Variants in KLF17 observed in about 807,000 individuals in gnomAD.
KLF17 encodes the protein KLF transcription factor 17.
A neutral mutation model predicts 34.2 loss-of-function variants in KLF17; 31 were observed. The observed-to-expected ratio is 0.91, with a 90% CI of 0.68 to 1.22. KLF17 has a LOEUF of 1.22. KLF17 is among the 50% of genes most tolerant of loss of function. The probability of loss-of-function intolerance (pLI) is 0.00; values close to 1 mark genes in which losing one functional copy is unlikely to be tolerated. For synonymous variants in KLF17, 179 were observed against 186.7 expected (o/e 0.96, Z 0.34); for missense variants, 478 against 505.2 (o/e 0.95, Z 0.52).
chr1:44,118,891 G>A lies in KLF17; in HGVS notation c.-17G>A. 3.7e-6 allele frequency: 6 copies of A among 1,605,458 alleles called. No homozygotes were observed. The highest frequency in any genetic ancestry group is 5.1e-6 in the Non-Finnish European group (6 of 1,176,210). On this transcript the variant is annotated 5_prime_UTR_variant, in exon 1 of 4. Coordinates refer to ENST00000372299, the MANE Select transcript of KLF17 (RefSeq NM_173484.4). ...CCCTGTCTCTTCAGTAGAGAGTCTAGACCCCACCCAGTCTTCATGTACGGC... is the reference window on the plus strand; with the variant it reads ...CCCTGTCTCTTCAGTAGAGAGTCTAAACCCCACCCAGTCTTCATGTACGGC...
intron 1 of KLF17, among the ~76,000 whole-genome samples, chr1:44,128,404 A>G (rs1347227493): frequency 6.6e-6 from 1 of 152,154 alleles, no homozygotes; most frequent in Non-Finnish European, 1.5e-5. Context: ...AAGACCTTCT[A>G]CCACCAATCT....
At chr1:44,062,401 C>A in the KLF17 span, among the ~76,000 whole-genome samples, 24 of 152,078 alleles carry the variant, frequency 1.6e-4, no homozygotes, top group Non-Finnish European at 3.2e-4. Context: ...AGCATTATTT[C>A]TCAGTCCTTT....
At chr1:44,102,711 A>G in the KLF17 span, among the ~76,000 whole-genome samples, 513 of 152,194 alleles carry the variant, frequency 3.4e-3, 5 homozygotes, top group African/African-American at 0.012. Flanking sequence ...ATGATCTGTC[A>G]GTGTAGGTTC....
At chr1:44,079,951 C>G in the KLF17 span, among the ~76,000 whole-genome samples, 2 of 150,108 alleles carry the variant, frequency 1.3e-5, no homozygotes, top group African/African-American at 2.5e-5. Flanking sequence ...TTTTTTGAGA[C>G]AGAGTCTCAC....
chr1:44,091,481 C>G, the KLF17 span, among the ~76,000 whole-genome samples: 5 of 151,820 alleles, frequency 3.3e-5, no homozygotes, highest in Non-Finnish European at 5.9e-5. Context: ...CCTGGTGAGA[C>G]CCTGTTTCTA....
At chr1:44,087,761 TATATATATACACACACACACACAC>T in the KLF17 span, among the ~76,000 whole-genome samples, 1 of 56,462 alleles carries the variant, frequency 1.8e-5, no homozygotes, top group African/African-American at 6.7e-5. Context: ...TATATATATA[TATATATATACACACACACACACAC>T]ACACACACAC....
chr1:44,097,346 G>A, the KLF17 span, among the ~76,000 whole-genome samples: 1 of 151,940 alleles, frequency 6.6e-6, no homozygotes, highest in South Asian at 2.1e-4. Context: ...TTGGCTATGC[G>A]GGCTCTTTTT....
chr1:44,129,089 T>C (rs2088066942), intron 1 of KLF17, among the ~76,000 whole-genome samples: 1 of 152,194 alleles, frequency 6.6e-6, no homozygotes. Context: ...GACTGTTTTA[T>C]TTGCTCTCTT....
At chr1:44,116,741 T>A (rs913763127), upstream of KLF17, among the ~76,000 whole-genome samples, 5 of 152,180 alleles carry the variant, frequency 3.3e-5, no homozygotes, top group African/African-American at 1.2e-4. Context: ...GCCTTAAATG[T>A]AGGAGTCCCC....
At chr1:44,126,704 T>C (rs926652315) in intron 1 of KLF17, among the ~76,000 whole-genome samples, 1 of 152,128 alleles carries the variant, frequency 6.6e-6, no homozygotes, top group African/African-American at 2.4e-5. Context: ...TTTCCCAGTC[T>C]TGGAGTCAGG....
intron 1 of KLF17, among the ~76,000 whole-genome samples, chr1:44,127,944 C>T (rs888593948): frequency 8.6e-5 from 13 of 150,760 alleles, no homozygotes; most frequent in African/African-American, 3.2e-4. Flanking sequence ...TTTTAAACTT[C>T]TCTTTTGGTT....
chr1:44,047,564 G>C, the KLF17 span, among the ~76,000 whole-genome samples: 1 of 150,558 alleles, frequency 6.6e-6, no homozygotes, highest in African/African-American at 2.5e-5. Context: ...CTGGGGACCC[G>C]GCACAGTGAC....
At chr1:44,101,756 G>A in the KLF17 span, 2 of 152,194 alleles carry the variant, frequency 1.3e-5, no homozygotes, top group Non-Finnish European at 2.9e-5. Flanking sequence ...GCCAGGCATG[G>A]TGGCTCATGC....
chr1:44,054,746 G>A, the KLF17 span, among the ~76,000 whole-genome samples: 13 of 147,626 alleles, frequency 8.8e-5, no homozygotes, highest in African/African-American at 2.5e-4. Context: ...CTCCCAGAGT[G>A]CTGGGATTAC....
the KLF17 span, among the ~76,000 whole-genome samples, chr1:44,098,467 A>G: frequency 1.6e-5 from 2 of 127,336 alleles, no homozygotes; most frequent in Non-Finnish European, 3.5e-5. Flanking sequence ...TTCTCTTCTG[A>G]TCTTTATTAT....
the KLF17 span, among the ~76,000 whole-genome samples, chr1:44,062,083 T>C: frequency 6.6e-6 from 1 of 152,218 alleles, no homozygotes; most frequent in African/African-American, 2.4e-5. Flanking sequence ...TTGAATTCTT[T>C]CCTGAGTGAA....
At chr1:44,065,144 G>A in the KLF17 span, among the ~76,000 whole-genome samples, 4 of 151,872 alleles carry the variant, frequency 2.6e-5, no homozygotes, top group Admixed American at 6.6e-5. Flanking sequence ...AAAAATTAGC[G>A]GGGCGTGGTA....
the KLF17 span, among the ~76,000 whole-genome samples, chr1:44,085,964 A>C: frequency 6.6e-6 from 1 of 152,132 alleles, no homozygotes; most frequent in Non-Finnish European, 1.5e-5. Context: ...GCTGTTCTGG[A>C]AACCAAGTGA....
the KLF17 span, among the ~76,000 whole-genome samples, chr1:44,056,449 T>C: frequency 6.6e-6 from 1 of 152,142 alleles, no homozygotes; most frequent in African/African-American, 2.4e-5. Flanking sequence ...GGAATCCTGA[T>C]CTGGATTCCT....
Sources: allele counts gnomAD v4.1 joint callset (sites outside exome capture counted in the v4.1 genomes callset), GRCh38; gene constraint gnomAD v4.1.1; transcripts MANE v1.5; gene names NCBI Gene and HGNC (gene_info 2026-07-23, HGNC 2026-07-21).